Variants in CNTN2 observed in about 807,000 individuals in gnomAD.
CNTN2 encodes the protein contactin-2.
In CNTN2, 53 loss-of-function variants were observed where a neutral mutation model predicts 117.5. The ratio of observed to expected loss-of-function variants is 0.45; its 90% confidence interval spans 0.36 to 0.57. The LOEUF (loss-of-function observed/expected upper bound fraction) is 0.57, where lower values mean the gene tolerates loss of function less well. Ranked by LOEUF, CNTN2 falls within the 20% of genes least tolerant of loss-of-function variation. CNTN2 has a pLI of 0.00. For synonymous variants in CNTN2, 530 were observed against 561.7 expected, an observed-to-expected ratio of 0.94 and a Z score of 0.80; for missense variants, 1,106 against 1,404.3, an observed-to-expected ratio of 0.79 and a Z score of 3.39.
rs557612304 is a variant in CNTN2 at position 205,071,643 on chromosome 1, C to T, written c.2545-304C>T. ...TCCCTTAGCAGAATGCCCACGGTAG[C>T]CCCCCAAGTTAATGAAATGAAATGG... On this transcript the variant is annotated intron_variant, in intron 19 of 22. Transcript: ENST00000331830. Among the ~76,000 whole-genome samples, 7 of 152,284 alleles carry T rather than the reference C, an allele frequency of 4.6e-5. No homozygotes were observed. The South Asian group carries it at 1.5e-3, about 32-fold the overall frequency.
chr1:205,061,839 A>G lies in CNTN2; in HGVS notation c.974-26A>G, dbSNP rs1653997715. 6.7e-7 allele frequency: 1 copy of G among 1,502,250 alleles called. No homozygotes were observed. Among genetic ancestry groups the G allele is most frequent in the Non-Finnish European group, 8.9e-7 (1 of 1,125,250 alleles). 93.1% of individuals were successfully genotyped at this position (1,502,250 alleles called of 1,614,324 possible). A position where few individuals can be genotyped will look rare whatever the true frequency, so the allele number is the denominator to read the frequency against. ...CTGGAAGCTCCTCCTAGCTCATGCCAGGTTTTCTTTTCCGGGCTCCCACAG... is the reference window on the plus strand; with the variant it reads ...CTGGAAGCTCCTCCTAGCTCATGCCGGGTTTTCTTTTCCGGGCTCCCACAG... On this transcript the variant is annotated intron_variant, in intron 8 of 22. Coordinates refer to ENST00000331830, the MANE Select transcript of CNTN2 (RefSeq NM_005076.5). This position sits in a 1 kb window ranked among gnomAD's most constrained non-coding sequence, Gnocchi z 4.8.
chr1:205,062,243 C>A, intron 9 of CNTN2, 197 bp from the exon 10 acceptor site: 1 of 863,564 alleles, frequency 1.2e-6, no homozygotes, highest in Non-Finnish European at 1.7e-6. Flanking sequence ...TGGGTCACCT[C>A]ACCCTTCCAG....
intron 20 of CNTN2, 119 bp from the exon 21 acceptor site, chr1:205,072,364 A>G: frequency 1.2e-6 from 1 of 805,986 alleles, no homozygotes; most frequent in Non-Finnish European, 2.0e-6. Context: ...TGGGCATGAC[A>G]GAATGTGCTG....
intron 1 of CNTN2, among the ~76,000 whole-genome samples, chr1:205,047,626 A>C (rs1011221288): frequency 3.9e-5 from 6 of 151,964 alleles, no homozygotes; most frequent in African/African-American, 1.2e-4. Flanking sequence ...CTTACCTATG[A>C]CCATTGCACC....
Position 205,044,097 on chromosome 1 carries a change from C to G in CNTN2, c.-87+703C>G, listed in dbSNP as rs374138331. The stretch of plus-strand genomic sequence containing the variant: ...TTAGCTTCTCCTCAAATCCCTCCCC[C>G]CCATCCTCACTGGTGGGAGGGAAGA... On this transcript the variant is annotated intron_variant, in intron 1 of 22. Transcript: ENST00000331830. Among the ~76,000 whole-genome samples, 135 of 152,290 alleles carry G rather than the reference C, an allele frequency of 8.9e-4. 2 individuals carry two copies. Among genetic ancestry groups the G allele is most frequent in the African/African-American group, 3.0e-3 (126 of 41,568 alleles).
Position 205,065,636 on chromosome 1 carries a change from C to T in CNTN2, c.1696-153C>T, listed in dbSNP as rs1490191579. On this transcript the variant is annotated intron_variant, in intron 13 of 22. Transcript: ENST00000331830. This position sits in a 1 kb window ranked among gnomAD's most constrained non-coding sequence, Gnocchi z 4.1. ...GGTTCTAAGTGATGAGTCGTGATTC[C>T]TCCCATTGAGCAGACAGGAAAACTG... Among the ~76,000 whole-genome samples the T allele has an allele frequency of 6.6e-6, 1 of 152,174 alleles. No individual in the cohort carries two copies. The highest frequency in any genetic ancestry group is 1.9e-4 in the East Asian group (1 of 5,194).
chr1:205,053,559 G>A (rs956548764), intron 2 of CNTN2, among the ~76,000 whole-genome samples: 12 of 152,158 alleles, frequency 7.9e-5, no homozygotes, highest in Admixed American at 1.3e-4. Flanking sequence ...AATATCACCC[G>A]GAGTTGTAGC....
chr1:205,071,669 G>C (rs1654599389), intron 19 of CNTN2, among the ~76,000 whole-genome samples: 1 of 152,178 alleles, frequency 6.6e-6, no homozygotes, highest in African/African-American at 2.4e-5. Flanking sequence ...AATGAAATGG[G>C]TTCCAGCAGG....
At position 205,053,155 on chromosome 1, in the gene CNTN2, T is replaced by TCC; in HGVS notation, c.-30_-29dup. On this transcript the variant is annotated 5_prime_UTR_variant, in exon 2 of 23. Coordinates refer to ENST00000331830, the MANE Select transcript of CNTN2 (RefSeq NM_005076.5). ...CCAAGCTGAGCTGAGGCTCTTCTCC[T>TCC]CCGATCCCCACCTCTGCCCGGACAT... 1 of 1,595,594 alleles carries TCC rather than the reference T, an allele frequency of 6.3e-7. No individual in the cohort carries two copies. The highest frequency in any genetic ancestry group is 8.6e-7 in the Non-Finnish European group (1 of 1,168,270).
Position 205,065,851 on chromosome 1 carries a change from G to C in CNTN2, c.1758G>C (p.Thr586=), listed in dbSNP as rs188155444. The stretch of plus-strand genomic sequence containing the variant: ...AGCTGCGCCATGGGGGGAAGTACAC[G>C]TGCATGGCCCAGACGGTGGTGGACA... The part of the protein sequence containing the change: ...NAQLRHGGKY[T]CMAQTVVDSA... Residue 586 remains threonine (T), a synonymous_variant, in exon 14 of 23, where the codon ACG becomes ACC. Coordinates refer to ENST00000331830, the MANE Select transcript of CNTN2 (RefSeq NM_005076.5). The surrounding 1 kb of genome is among the most constrained non-coding windows in gnomAD (Gnocchi z 4.1). 2 of 1,581,410 alleles carry C rather than the reference G, an allele frequency of 1.3e-6. No homozygotes were observed. Among genetic ancestry groups the C allele is most frequent in the African/African-American group, 2.7e-5 (2 of 73,664 alleles).
Position 205,073,810 on chromosome 1 carries a change from A to G in CNTN2, c.*45A>G, listed in dbSNP as rs770602666. 6.5e-7 allele frequency: 1 copy of G among 1,531,514 alleles called. No homozygotes were observed. Among genetic ancestry groups the G allele is most frequent in the Admixed American group, 1.7e-5 (1 of 58,438 alleles). 94.9% of individuals were successfully genotyped at this position (1,531,514 alleles called of 1,614,324 possible). ...GCGCCGCAGCTGGACGCCACCTCCG[A>G]CGGACACAGCCAGCCCCTTCCTGCT... On this transcript the variant is annotated 3_prime_UTR_variant, in exon 23 of 23. Coordinates refer to ENST00000331830, the MANE Select transcript of CNTN2 (RefSeq NM_005076.5). This position sits in a 1 kb window ranked among gnomAD's most constrained non-coding sequence, Gnocchi z 6.3.
intron 19 of CNTN2, among the ~76,000 whole-genome samples, chr1:205,071,589 T>C (rs1042523027): frequency 4.6e-5 from 7 of 152,214 alleles, no homozygotes; most frequent in African/African-American, 1.7e-4. Flanking sequence ...GCCAGGGGAC[T>C]ACTTTGCAAT....
Position 205,073,199 on chromosome 1 carries a change from T to C in CNTN2, c.2976T>C (p.Asp992=). Residue 992 remains aspartate, a synonymous_variant, in exon 22 of 23, where the codon GAT becomes GAC. Transcript: ENST00000331830. The surrounding 1 kb of genome is among the most constrained non-coding windows in gnomAD (Gnocchi z 6.3). ...TTCGGACCACAGGGCCCGGAGGGGATGGGATCCCTGCAGAAGTCCACATCG... is the reference window on the plus strand; with the variant it reads ...TTCGGACCACAGGGCCCGGAGGGGACGGGATCCCTGCAGAAGTCCACATCG... ...VQIRTTGPGG[D]GIPAEVHIVR... 6.2e-7 allele frequency: 1 copy of C among 1,613,954 alleles called. No homozygotes were observed.
rs1263538952 is a variant in CNTN2 at position 205,078,106 on chromosome 1, C to G, written c.*4341C>G. On this transcript the variant is annotated 3_prime_UTR_variant, in exon 23 of 23. Coordinates refer to ENST00000331830, the MANE Select transcript of CNTN2 (RefSeq NM_005076.5). Reference sequence around the variant, plus strand: ...CTTTTATCCAAGAATTTCTTTACCCCCCACACAGTGAAATATAAGTAAGTT... The same window carrying G: ...CTTTTATCCAAGAATTTCTTTACCCGCCACACAGTGAAATATAAGTAAGTT... 1 of 152,144 alleles carries G rather than the reference C, an allele frequency of 6.6e-6. No individual in the cohort carries two copies. Among genetic ancestry groups the G allele is most frequent in the Non-Finnish European group, 1.5e-5 (1 of 68,056 alleles). 9.4% of individuals were successfully genotyped at this position (152,144 alleles called of 1,614,324 possible).
chr1:205,071,215 A>G (rs1257946968), intron 19 of CNTN2, among the ~76,000 whole-genome samples: 1 of 152,180 alleles, frequency 6.6e-6, no homozygotes, highest in African/African-American at 2.4e-5. Flanking sequence ...CGCTCTATGG[A>G]CAGTTGATCA....
rs1043246066 is a variant in CNTN2, at chr1:205,073,011, G to A, written c.2845-57G>A. 6.1e-5 allele frequency: 97 copies of A among 1,586,720 alleles called. No individual in the cohort carries two copies. Among genetic ancestry groups the A allele is most frequent in the Non-Finnish European group, 7.3e-5 (85 of 1,162,004 alleles). ...CCTCCCAGTACCTAAAGCTGGGGATGACTCAACGATCAGCCCTGGTGTCAG... is the reference window on the plus strand; with the variant it reads ...CCTCCCAGTACCTAAAGCTGGGGATAACTCAACGATCAGCCCTGGTGTCAG... On this transcript the variant is annotated intron_variant, in intron 21 of 22. Transcript: ENST00000331830. The surrounding 1 kb of genome is among the most constrained non-coding windows in gnomAD (Gnocchi z 6.3).
At chr1:205,057,775 A>G in intron 2 of CNTN2, 146 bp from the exon 3 acceptor site, 2 of 806,460 alleles carry the variant, frequency 2.5e-6, no homozygotes, top group South Asian at 2.1e-5. Context: ...CGATAGCCCT[A>G]CGTGGCTAGT....
chr1:205,043,676 C>T (rs1324993139), intron 1 of CNTN2, among the ~76,000 whole-genome samples: 1 of 152,176 alleles, frequency 6.6e-6, no homozygotes, highest in African/African-American at 2.4e-5. Flanking sequence ...CCAGGAATTC[C>T]AGTTGGCCAG....
intron 20 of CNTN2, 74 bp from the exon 21 acceptor site, chr1:205,072,409 G>T: frequency 1.6e-6 from 2 of 1,251,610 alleles, no homozygotes; most frequent in Non-Finnish European, 1.2e-6. Flanking sequence ...CCAGAGAAGG[G>T]CTGGTTAAAG....
Sources: allele counts gnomAD v4.1 joint callset (sites outside exome capture counted in the v4.1 genomes callset), GRCh38; gene constraint gnomAD v4.1.1; non-coding constraint Gnocchi (gnomAD v3.1); transcripts MANE v1.5; gene names NCBI Gene and HGNC (gene_info 2026-07-23, HGNC 2026-07-21).